Variants in DNAJC7 observed in about 807,000 individuals in gnomAD.
DNAJC7 encodes DnaJ heat shock protein family (Hsp40) member C7.
Under a neutral mutation model 67.4 loss-of-function variants are expected in DNAJC7, and 18 were observed. The ratio of observed to expected loss-of-function variants is 0.27; its 90% CI spans 0.18 to 0.40. The LOEUF (loss-of-function observed/expected upper bound fraction) is 0.40. Ranked by LOEUF, DNAJC7 falls within the 10% of genes least tolerant of loss-of-function variation. The pLI is 1.00. For missense variants in DNAJC7, 419 were observed against 613.8 expected, an observed-to-expected ratio of 0.68 and a Z score of 3.35; for synonymous variants, 220 against 207.8, an observed-to-expected ratio of 1.06 and a Z score of -0.50.
chr17:42,012,442 C>T (rs2052145293), intron 1 of DNAJC7, among the ~76,000 whole-genome samples: 1 of 152,190 alleles, frequency 6.6e-6, no homozygotes, highest in Admixed American at 6.5e-5. Flanking sequence ...GAGATCACAC[C>T]ACTGCACTCC....
intron 6 of DNAJC7, 53 bp downstream of exon 6, chr17:41,990,211 C>A: frequency 6.6e-7 from 1 of 1,510,068 alleles, no homozygotes. Context: ...TGCCGGACAC[C>A]ATCAGTCCAA....
In DNAJC7 at chr17:41,982,351, T is replaced by A; in HGVS notation, c.1135A>T (p.Arg379Trp). 6.2e-7 allele frequency: 1 copy of A among 1,614,022 alleles called. No individual in the cohort carries two copies. Among genetic ancestry groups the A allele is most frequent in the Non-Finnish European group, 8.5e-7 (1 of 1,179,902 alleles). Residue 379 changes from arginine (R) to tryptophan (W), a missense_variant, in exon 11 of 14, where the codon AGG becomes TGG. This residue lies in a region of DNAJC7 where 161 missense variants were observed against 252.2 expected (regional missense o/e 0.64). Coordinates refer to ENST00000457167, the MANE Select transcript of DNAJC7 (RefSeq NM_003315.4). Reference protein sequence around the residue: ...NAQLELKKSKRKDYYKILGVD... With the variant: ...NAQLELKKSKWKDYYKILGVD... Reference sequence around the variant, plus strand: ...CCTAGAATCTTGTAGTAATCTTTCCTCTTACTCTTCTTCAGTTCCAGCTGC... The same window carrying A: ...CCTAGAATCTTGTAGTAATCTTTCCACTTACTCTTCTTCAGTTCCAGCTGC...
chr17:41,978,515 C>T (rs991297727), intron 12 of DNAJC7, among the ~76,000 whole-genome samples: 14 of 152,108 alleles, frequency 9.2e-5, no homozygotes, highest in Non-Finnish European at 2.1e-4. Flanking sequence ...CCTCCTCACC[C>T]CTATCACAAA....
chr17:41,987,771 G>A, intron 9 of DNAJC7, 48 bp downstream of exon 9: 1 of 1,514,660 alleles, frequency 6.6e-7, no homozygotes, highest in South Asian at 1.2e-5. Flanking sequence ...CAATTCCCCT[G>A]AGGCCAGCGG....
chr17:41,995,012 A>C, intron 4 of DNAJC7, 68 bp from the exon 5 acceptor site: 1 of 1,356,078 alleles, frequency 7.4e-7, no homozygotes, highest in Non-Finnish European at 1.1e-6. Flanking sequence ...CAAAAAAATT[A>C]ACAAGGCCTT....
chr17:41,988,929 T>C (rs782512059), intron 7 of DNAJC7, 33 bp from the exon 8 acceptor site: 4 of 1,610,536 alleles, frequency 2.5e-6, no homozygotes, highest in East Asian at 4.5e-5. Flanking sequence ...GATCGGTTCA[T>C]ATCCACAAAG....
At chr17:41,979,085 TC>T (rs1313810750) in intron 12 of DNAJC7, among the ~76,000 whole-genome samples, 1 of 152,140 alleles carries the variant, frequency 6.6e-6, no homozygotes, top group African/African-American at 2.4e-5. Flanking sequence ...ACGCCTGTCA[TC>T]CCAACACTTT....
chr17:41,990,858 C>T (rs1555647678), intron 5 of DNAJC7, among the ~76,000 whole-genome samples: 6 of 151,884 alleles, frequency 4.0e-5, no homozygotes, highest in South Asian at 2.1e-4. Context: ...TTTTAGTAAA[C>T]ACAGGGTTTC....
At chr17:42,016,047 A>G (rs1555651849) in intron 1 of DNAJC7, 1 of 152,178 alleles carries the variant, frequency 6.6e-6, no homozygotes, top group African/African-American at 2.4e-5. Flanking sequence ...AATATCTAGG[A>G]AGAAGTAGGA....
At chr17:41,994,600 C>T (rs948550304) in intron 5 of DNAJC7, among the ~76,000 whole-genome samples, 2 of 148,820 alleles carry the variant, frequency 1.3e-5, no homozygotes, top group East Asian at 2.0e-4. Flanking sequence ...TTAAGAAGTA[C>T]ACTATTAGAC....
In DNAJC7 at chr17:41,987,780, G is replaced by A. The variant is rs781926510; in HGVS notation, c.1010+39C>T. On this transcript the variant is annotated intron_variant, in intron 9 of 13. Transcript: ENST00000457167. ...ACAAGGCAATTCCCCTGAGGCCAGC[G>A]GCAACTCCCTCTTCCCCCTACCCAT... 12 of 1,548,152 alleles carry A rather than the reference G, an allele frequency of 7.8e-6. No individual in the cohort carries two copies. The East Asian group carries it at 9.2e-5, about 12-fold the overall frequency.
At chr17:41,980,758 G>A (rs2051228318) in intron 12 of DNAJC7, among the ~76,000 whole-genome samples, 1 of 152,190 alleles carries the variant, frequency 6.6e-6, no homozygotes, top group African/African-American at 2.4e-5. Flanking sequence ...GACAATAGGT[G>A]TGCTTTATAT....
In DNAJC7 at chr17:41,989,437, A is replaced by T; in HGVS notation, c.720T>A (p.Ala240=). 4 of 1,614,032 alleles carry T rather than the reference A, an allele frequency of 2.5e-6. No homozygotes were observed. The highest frequency in any genetic ancestry group is 3.4e-6 in the Non-Finnish European group (4 of 1,179,898). The stretch of plus-strand genomic sequence containing the variant: ...CAATGCAGGCCTTCTCGTGGTCAGG[A>T]GCCATCCTGAGAGCCTGTACGAAAA... ...VQFFVQALRM[A]PDHEKACIAC... The change falls in exon 7 of 14, where the codon GCT becomes GCA. Residue 240 remains alanine (A), a synonymous_variant. Coordinates refer to ENST00000457167, the MANE Select transcript of DNAJC7 (RefSeq NM_003315.4).
chr17:42,007,859 T>C (rs2052009601), intron 1 of DNAJC7, among the ~76,000 whole-genome samples: 1 of 145,498 alleles, frequency 6.9e-6, no homozygotes, highest in South Asian at 2.2e-4. Flanking sequence ...TTTTTTTTTT[T>C]TTTGAGACAG....
intron 13 of DNAJC7, 26 bp from the exon 14 acceptor site, chr17:41,976,796 G>A (rs551479926): frequency 5.6e-6 from 9 of 1,603,412 alleles, no homozygotes; most frequent in Non-Finnish European, 7.6e-6. Context: ...GGGGTTGGTA[G>A]TTGGCTATGG....
chr17:42,003,109 A>G (rs1555649676), intron 1 of DNAJC7, among the ~76,000 whole-genome samples: 3 of 152,248 alleles, frequency 2.0e-5, no homozygotes, highest in Non-Finnish European at 4.4e-5. Context: ...ACAAGTTGCC[A>G]TGTTTTTAAC....
At chr17:42,008,555 G>A (rs1011930155) in intron 1 of DNAJC7, among the ~76,000 whole-genome samples, 4 of 150,346 alleles carry the variant, frequency 2.7e-5, no homozygotes, top group Admixed American at 1.3e-4. Flanking sequence ...GACTACAGGC[G>A]CCTGCCACCA....
intron 9 of DNAJC7, among the ~76,000 whole-genome samples, chr17:41,986,332 C>G (rs1555646818): frequency 6.6e-6 from 1 of 152,042 alleles, no homozygotes; most frequent in African/African-American, 2.4e-5. Context: ...TGCTACTGCA[C>G]TCCAGCCTGA....
In DNAJC7 at chr17:41,976,672, C is replaced by G. The variant is rs1351316206; in HGVS notation, c.*61G>C. The G allele has an allele frequency of 1.9e-6, 3 of 1,592,952 alleles. No homozygotes were observed. The highest frequency in any genetic ancestry group is 2.6e-6 in the Non-Finnish European group (3 of 1,170,820). On this transcript the variant is annotated 3_prime_UTR_variant, in exon 14 of 14. Coordinates refer to ENST00000457167, the MANE Select transcript of DNAJC7 (RefSeq NM_003315.4). ...GATGAAGGGAGGAGGTGAACTGTTT[C>G]CACATTCAAGATTAAACTGAGTGAA...
Sources: gnomAD v4.1 joint callset for allele counts (sites outside exome capture counted in the v4.1 genomes callset) on GRCh38, gnomAD v4.1.1 for gene constraint, gnomAD v4.1.1 regional missense constraint, MANE v1.5 for transcripts, NCBI Gene and HGNC (gene_info 2026-07-23, HGNC 2026-07-21) for gene names.